Variants in PRDM16 observed in about 807,000 individuals in gnomAD.
PRDM16 encodes histone-lysine N-methyltransferase PRDM16.
In PRDM16, 23 loss-of-function variants were observed where a neutral mutation model predicts 110.6. The ratio of observed to expected loss-of-function variants is 0.21; its 90% CI spans 0.15 to 0.29. The LOEUF (loss-of-function observed/expected upper bound fraction) is 0.29, where lower values mean the gene tolerates loss of function less well. PRDM16 is among the 10% of genes least tolerant of loss of function. PRDM16 has a pLI of 1.00. For missense variants in PRDM16, 1,615 were observed against 1,794.3 expected (o/e 0.90, Z 1.81); for synonymous variants, 799 against 781.8 (o/e 1.02, Z -0.37).
rs1271508738 is a variant in PRDM16 at position 3,148,165 on chromosome 1, A to C, written c.38-37960A>C. Among the ~76,000 whole-genome samples, 1 of 151,664 alleles carries C rather than the reference A, an allele frequency of 6.6e-6. No homozygotes were observed. The highest frequency in any genetic ancestry group is 1.5e-5 in the Non-Finnish European group (1 of 67,898). On this transcript the variant is annotated intron_variant, in intron 1 of 16. Transcript: ENST00000270722. This position sits in a 1 kb window ranked among gnomAD's most constrained non-coding sequence, Gnocchi z 5.0. ...GTTTTGTGGGAGGGGCTGGGCTGAG[A>C]GGTGGGAAGGAGCCCCCGGATGAGT...
At chr1:3,279,657 A>T (rs553983923) in intron 3 of PRDM16, among the ~76,000 whole-genome samples, 2 of 152,362 alleles carry the variant, frequency 1.3e-5, no homozygotes, top group South Asian at 4.1e-4. Context: ...GGCAGCCGTC[A>T]GGGAGAGTCT....
chr1:3,335,634 CA>C (rs1356667799), intron 3 of PRDM16, among the ~76,000 whole-genome samples: 6 of 152,170 alleles, frequency 3.9e-5, no homozygotes, highest in Non-Finnish European at 5.9e-5. Flanking sequence ...CACACACACA[CA>C]CACACACCCT....
chr1:3,369,153 T>C (rs1642868725), intron 3 of PRDM16, among the ~76,000 whole-genome samples: 2 of 152,206 alleles, frequency 1.3e-5, no homozygotes, highest in African/African-American at 4.8e-5. Flanking sequence ...CAAAGGTGAC[T>C]AGCTGTAGGT....
chr1:3,379,594 G>A (rs373807471), intron 3 of PRDM16, among the ~76,000 whole-genome samples: 5 of 4,214 alleles, frequency 1.2e-3, no homozygotes, highest in Admixed American at 9.4e-3. Flanking sequence ...ACCCCTCCCA[G>A]CACACCCCTC....
intron 3 of PRDM16, among the ~76,000 whole-genome samples, chr1:3,321,731 G>A (rs11809446): frequency 0.013 from 1,899 of 151,406 alleles, 44 homozygotes; most frequent in African/African-American, 0.043. Context: ...TATGTGTGAC[G>A]TACATGTGTG....
At chr1:3,364,757 C>T (rs767249099) in intron 3 of PRDM16, among the ~76,000 whole-genome samples, 3 of 152,356 alleles carry the variant, frequency 2.0e-5, no homozygotes, top group East Asian at 1.9e-4. Context: ...TTTTCATGGC[C>T]GGGCCAGGAG....
chr1:3,230,222 G>A (rs1052708225), intron 2 of PRDM16, among the ~76,000 whole-genome samples: 4 of 152,230 alleles, frequency 2.6e-5, no homozygotes, highest in Non-Finnish European at 5.9e-5. Context: ...TGACCTGCCC[G>A]ACGGCTCTCC....
At chr1:3,101,086 C>T (rs1045461770) in intron 1 of PRDM16, among the ~76,000 whole-genome samples, 7 of 152,142 alleles carry the variant, frequency 4.6e-5, no homozygotes, top group African/African-American at 7.2e-5. Flanking sequence ...GTCCCCATCT[C>T]GCCCGGCTGG....
At chr1:3,111,245 GA>G in intron 1 of PRDM16, among the ~76,000 whole-genome samples, 1 of 152,288 alleles carries the variant, frequency 6.6e-6, no homozygotes, top group Middle Eastern at 3.4e-3. Flanking sequence ...GACGCGGAGA[GA>G]AGGGAAAGAG....
rs72851357 is a variant in PRDM16, at chr1:3,430,374, C to T, written c.3285-498C>T. 8.1e-3 allele frequency among the ~76,000 whole-genome samples: 1,236 copies of T among 152,332 alleles called. 20 individuals are homozygous for T. Among genetic ancestry groups the T allele is most frequent in the African/African-American group, 0.028 (1,154 of 41,580 alleles). ...TGTCCTGGTGCATTCAGACTGCTCA[C>T]AGCAGGCTTTGGGCCCTCACTCTCC... is the stretch of plus-strand genomic sequence containing the variant. On this transcript the variant is annotated intron_variant, in intron 14 of 16. Transcript: ENST00000270722.
At chr1:3,429,962 C>T (rs1009619482) in intron 14 of PRDM16, among the ~76,000 whole-genome samples, 1 of 152,192 alleles carries the variant, frequency 6.6e-6, no homozygotes, top group Non-Finnish European at 1.5e-5. Flanking sequence ...CCCAGGGCAG[C>T]GGGAGGCAGT....
chr1:3,298,142 A>C, intron 3 of PRDM16, among the ~76,000 whole-genome samples: 1 of 152,254 alleles, frequency 6.6e-6, no homozygotes, highest in Middle Eastern at 3.2e-3. Flanking sequence ...GGGGCTTGGG[A>C]ATACGTGTAA....
chr1:3,252,313 C>T (rs1049777023), intron 3 of PRDM16, among the ~76,000 whole-genome samples: 1 of 152,214 alleles, frequency 6.6e-6, no homozygotes, highest in Admixed American at 6.5e-5. Context: ...GGGGGCTGGG[C>T]TCTGCAGCTG....
At chr1:3,141,377 G>A (rs895130757) in intron 1 of PRDM16, among the ~76,000 whole-genome samples, 5 of 152,236 alleles carry the variant, frequency 3.3e-5, no homozygotes, top group African/African-American at 4.8e-5. Context: ...ATGGGGAGGA[G>A]GGACGGGGGA....
rs1643288821 is a variant in PRDM16, at chr1:3,390,857, C to A, written c.573+5571C>A. Among the ~76,000 whole-genome samples, 3 of 132,906 alleles carry A rather than the reference C, an allele frequency of 2.3e-5. No individual in the cohort carries two copies. Among genetic ancestry groups the A allele is most frequent in the Admixed American group, 7.8e-5 (1 of 12,888 alleles). The allele number at this position is 132,906 out of a possible 152,430, so 87.2% of individuals were successfully genotyped here. On this transcript the variant is annotated intron_variant, in intron 4 of 16. Transcript: ENST00000270722. This position sits in a 1 kb window ranked among gnomAD's most constrained non-coding sequence, Gnocchi z 5.0. ...GTGTTTTTTTTTTTTTTTTTTTAGA[C>A]AGAGTTTCACTCTTGTTGCCCAGGC...
intron 2 of PRDM16, among the ~76,000 whole-genome samples, chr1:3,238,910 C>A (rs1169720656): frequency 6.6e-6 from 1 of 152,228 alleles, no homozygotes; most frequent in Non-Finnish European, 1.5e-5. Context: ...ACTCTGCAGC[C>A]CCTGTTTCCC....
At chr1:3,378,614 C>T (rs1056799500) in intron 3 of PRDM16, among the ~76,000 whole-genome samples, 1 of 152,092 alleles carries the variant, frequency 6.6e-6, no homozygotes, top group African/African-American at 2.4e-5. Flanking sequence ...CATAGGCCCG[C>T]GGCGATGAGC....
chr1:3,344,862 G>A (rs1243113903), intron 3 of PRDM16, among the ~76,000 whole-genome samples: 1 of 152,188 alleles, frequency 6.6e-6, no homozygotes, highest in Non-Finnish European at 1.5e-5. Context: ...TAAGTTGATG[G>A]GACTCAAATT....
rs574455661 is a variant in PRDM16, at chr1:3,373,107, C to T, written c.439-12045C>T. Among the ~76,000 whole-genome samples the T allele has an allele frequency of 6.0e-4, 91 of 152,296 alleles. 2 individuals carry two copies. The East Asian group carries it at 7.7e-3, about 13-fold the overall frequency. ...GTAAGGAGCAGGACACCCAGTGGGG[C>T]GGGGCTGAGCTCAGGCACACACAAG... On this transcript the variant is annotated intron_variant, in intron 3 of 16. Transcript: ENST00000270722.
Sources: allele counts gnomAD v4.1 joint callset (sites outside exome capture counted in the v4.1 genomes callset), GRCh38; gene constraint gnomAD v4.1.1; non-coding constraint Gnocchi (gnomAD v3.1); transcripts MANE v1.5; gene names NCBI Gene and HGNC (gene_info 2026-07-23, HGNC 2026-07-21).